ADARB2: variants seen among roughly 807,000 people sequenced by gnomAD.
The protein encoded by ADARB2 is inactive double-stranded RNA-specific editase B2.
ADARB2 carries 25 observed loss-of-function variants against 62.2 expected under a neutral mutation model. The observed-to-expected ratio is 0.40, with a 90% CI of 0.29 to 0.56. The LOEUF is 0.56. ADARB2 is among the 20% of genes least tolerant of loss of function. The pLI is 0.43. For missense variants in ADARB2, 1,071 were observed against 1,077.4 expected, an observed-to-expected ratio of 0.99 and a Z score of 0.08; for synonymous variants, 572 against 500.8, an observed-to-expected ratio of 1.14 and a Z score of -1.90.
intron 3 of ADARB2, among the ~76,000 whole-genome samples, chr10:1,282,233 TG>T (rs1771635398): frequency 6.6e-6 from 1 of 152,234 alleles, no homozygotes; most frequent in African/African-American, 2.4e-5. Context: ...GTTTACGTGG[TG>T]CTCAGAGACC....
chr10:1,540,949 C>T (rs371314125), intron 1 of ADARB2, among the ~76,000 whole-genome samples: 137 of 38,204 alleles, frequency 3.6e-3, no homozygotes, highest in Non-Finnish European at 4.6e-3. Flanking sequence ...CACTCAGACG[C>T]AGTTCAGACC....
chr10:1,411,610 T>C (rs1832760296), intron 1 of ADARB2, among the ~76,000 whole-genome samples: 1 of 151,952 alleles, frequency 6.6e-6, no homozygotes, highest in African/African-American at 2.4e-5. Flanking sequence ...TGGTCCTGGG[T>C]GGGTGGTGGG....
At chr10:1,466,472 G>T (rs994759628) in intron 1 of ADARB2, among the ~76,000 whole-genome samples, 4 of 152,156 alleles carry the variant, frequency 2.6e-5, no homozygotes, top group Non-Finnish European at 4.4e-5. Context: ...AGCACACGGA[G>T]GTCCTTGCGA....
intron 1 of ADARB2, among the ~76,000 whole-genome samples, chr10:1,666,222 A>G (rs139648918): frequency 2.2e-4 from 33 of 152,348 alleles, no homozygotes; most frequent in Non-Finnish European, 4.9e-4. Context: ...AGCAAGTGCC[A>G]GGGTGACAGA....
intron 1 of ADARB2, among the ~76,000 whole-genome samples, chr10:1,568,974 CGCCCATTAGAA>C (rs1349183408): frequency 1.3e-5 from 2 of 151,954 alleles, no homozygotes; most frequent in Non-Finnish European, 2.9e-5. Flanking sequence ...ACAGGAGATG[CGCCCATTAGAA>C]GGCGAGGCGA....
chr10:1,504,626 C>T (rs561372014), intron 1 of ADARB2, among the ~76,000 whole-genome samples: 2 of 152,274 alleles, frequency 1.3e-5, no homozygotes, highest in East Asian at 3.9e-4. Context: ...GCTGACTACA[C>T]GGGTCAGTTG....
chr10:1,470,394 A>T (rs1431581739), intron 1 of ADARB2, among the ~76,000 whole-genome samples: 1 of 152,222 alleles, frequency 6.6e-6, no homozygotes, highest in Non-Finnish European at 1.5e-5. Flanking sequence ...GCAAATACAC[A>T]TCACTCTGCA....
chr10:1,689,828 TTGA>T (rs1588353531), intron 1 of ADARB2, among the ~76,000 whole-genome samples: 1 of 152,246 alleles, frequency 6.6e-6, no homozygotes, highest in Non-Finnish European at 1.5e-5. Context: ...ATTTCAGATT[TTGA>T]TGATGTTAGA....
intron 1 of ADARB2, among the ~76,000 whole-genome samples, chr10:1,668,838 C>T (rs1312188591): frequency 6.6e-6 from 1 of 152,240 alleles, no homozygotes; most frequent in Non-Finnish European, 1.5e-5. Flanking sequence ...TCCCGTTGTG[C>T]TGCTCACAGG....
intron 1 of ADARB2, among the ~76,000 whole-genome samples, chr10:1,604,919 G>A (rs10437529): frequency 0.92 from 139,699 of 152,268 alleles, 64,103 homozygotes; most frequent in South Asian, 0.94. Flanking sequence ...TGCTATGACG[G>A]AGATGCATAC....
At chr10:1,400,919 G>A (rs891949645) in intron 1 of ADARB2, among the ~76,000 whole-genome samples, 12 of 152,214 alleles carry the variant, frequency 7.9e-5, no homozygotes, top group South Asian at 6.2e-4. Flanking sequence ...CGACGGCTGA[G>A]TCAGGGAGGG....
At chr10:1,411,404 C>T (rs1377035818) in intron 1 of ADARB2, among the ~76,000 whole-genome samples, 4 of 152,236 alleles carry the variant, frequency 2.6e-5, no homozygotes, top group African/African-American at 9.6e-5. Context: ...ACGTCCTCTC[C>T]AGGCCACCAG....
rs369059758 is a variant in ADARB2 at position 1,709,709 on chromosome 10, GCTTT to G, written c.100+27338_100+27341del. Among the ~76,000 whole-genome samples the G allele has an allele frequency of 1.3e-4, 20 of 152,260 alleles. No individual in the cohort carries two copies. In the South Asian group the frequency reaches 4.1e-3, roughly 32 times the overall value. On this transcript the variant is annotated intron_variant, in intron 1 of 9. Coordinates refer to ENST00000381312, the MANE Select transcript of ADARB2 (RefSeq NM_018702.4). The stretch of plus-strand genomic sequence containing the variant: ...GGAGAGTTCCAATGATGCTTCCCAT[GCTTT>G]CTCTCTGTATAGATGACCCCATGCC...
In ADARB2 at chr10:1,302,032, G is replaced by A. The variant is rs889787705; in HGVS notation, c.1078-30963C>T. Among the ~76,000 whole-genome samples the A allele has an allele frequency of 2.0e-5, 3 of 152,204 alleles. No individual in the cohort carries two copies. The East Asian group carries it at 5.8e-4, about 29-fold the overall frequency. ...CTCCCATCTAGGGAGGAGCCAAGAT[G>A]GCCGAATAGGAACAGCTCCAGTCTA... On this transcript the variant is annotated intron_variant, in intron 3 of 9. Transcript: ENST00000381312.
chr10:1,735,150 A>G (rs1835285725), intron 1 of ADARB2, among the ~76,000 whole-genome samples: 1 of 152,208 alleles, frequency 6.6e-6, no homozygotes, highest in South Asian at 2.1e-4. Context: ...TCGTAACAGA[A>G]ATCAGTGTAC....
chr10:1,681,597 C>T (rs1232868113), intron 1 of ADARB2, among the ~76,000 whole-genome samples: 1 of 152,122 alleles, frequency 6.6e-6, no homozygotes, highest in Non-Finnish European at 1.5e-5. Flanking sequence ...TCATGGTTTT[C>T]CCACCTGTAA....
chr10:1,439,159 C>G (rs1190052259), intron 1 of ADARB2, among the ~76,000 whole-genome samples: 2 of 87,638 alleles, frequency 2.3e-5, no homozygotes, highest in Non-Finnish European at 2.2e-5. Context: ...AGGCCCTTCA[C>G]GATGGGGCTC....
chr10:1,464,223 G>C (rs1346732890), intron 1 of ADARB2, among the ~76,000 whole-genome samples: 1 of 132,364 alleles, frequency 7.6e-6, no homozygotes, highest in Non-Finnish European at 1.7e-5. Context: ...ACACGCGCTG[G>C]GGACAGTCAC....
intron 7 of ADARB2, among the ~76,000 whole-genome samples, chr10:1,204,673 G>T (rs1253447889): frequency 1.3e-5 from 2 of 152,170 alleles, no homozygotes; most frequent in Admixed American, 1.3e-4. Flanking sequence ...AAAACCACAG[G>T]GCTTTCAAGC....
Sources: allele counts gnomAD v4.1 joint callset (sites outside exome capture counted in the v4.1 genomes callset), GRCh38; gene constraint gnomAD v4.1.1; transcripts MANE v1.5; gene names NCBI Gene and HGNC (gene_info 2026-07-23, HGNC 2026-07-21).